The following RTTN variants were observed in gnomAD, a reference collection of about 807,000 sequenced individuals.
RTTN encodes rotatin.
A neutral mutation model predicts 269.2 loss-of-function variants in RTTN; 182 were observed. The ratio of observed to expected loss-of-function variants is 0.68; its 90% CI spans 0.60 to 0.76. The LOEUF (loss-of-function observed/expected upper bound fraction) is 0.76, where lower values mean the gene tolerates loss of function less well. Ranked by LOEUF, RTTN falls within the 30% of genes least tolerant of loss-of-function variation. The pLI, the probability that RTTN is intolerant of heterozygous loss-of-function variation, is 0.00. For synonymous variants in RTTN, 1,006 were observed against 963.5 expected, an observed-to-expected ratio of 1.04 and a Z score of -0.82; for missense variants, 2,545 against 2,608.6, an observed-to-expected ratio of 0.98 and a Z score of 0.53.
chr18:70,101,375 T>C (rs1363251477), intron 28 of RTTN, among the ~76,000 whole-genome samples: 1 of 152,214 alleles, frequency 6.6e-6, no homozygotes, highest in Non-Finnish European at 1.5e-5. Flanking sequence ...GAGGAGTTTA[T>C]AGTATTGTCT....
intron 38 of RTTN, among the ~76,000 whole-genome samples, chr18:70,053,008 T>C (rs972159265): frequency 2.6e-5 from 4 of 152,132 alleles, no homozygotes; most frequent in Non-Finnish European, 4.4e-5. Flanking sequence ...TAAAAAGCAT[T>C]CACAAGGCAG....
intron 40 of RTTN, among the ~76,000 whole-genome samples, chr18:70,047,254 A>C (rs970556750): frequency 8.5e-5 from 13 of 152,232 alleles, no homozygotes; most frequent in African/African-American, 2.7e-4. Flanking sequence ...GACAAAAATC[A>C]TAAAACCACA....
intron 25 of RTTN, among the ~76,000 whole-genome samples, chr18:70,126,996 AGTTAAGCATGTTAAATT>A (rs2059881331): frequency 6.6e-6 from 1 of 152,190 alleles, no homozygotes; most frequent in South Asian, 2.1e-4. Context: ...ATCTGCTACA[AGTTAAGCATGTTAAATT>A]GACAAGCTAG....
chr18:70,042,849 C>T (rs761351748), intron 40 of RTTN, among the ~76,000 whole-genome samples: 2 of 152,178 alleles, frequency 1.3e-5, no homozygotes, highest in Non-Finnish European at 2.9e-5. Flanking sequence ...TCCTCAGTAC[C>T]TTTTCTCTGA....
At chr18:70,152,648 CA>C in intron 14 of RTTN, among the ~76,000 whole-genome samples, 1 of 152,064 alleles carries the variant, frequency 6.6e-6, no homozygotes. Context: ...CTGCTAGATC[CA>C]AAACCTTAAA....
At chr18:70,203,271 C>G (rs8087187) in intron 3 of RTTN, among the ~76,000 whole-genome samples, 1 of 151,696 alleles carries the variant, frequency 6.6e-6, no homozygotes, top group African/African-American at 2.4e-5. Flanking sequence ...GTGATCTCAG[C>G]TCACCGTTGC....
chr18:70,006,322 T>C (rs945406944), intron 47 of RTTN, 59 bp downstream of exon 47: 5 of 1,189,584 alleles, frequency 4.2e-6, no homozygotes, highest in Admixed American at 1.7e-5. Flanking sequence ...TAAGAGTTTA[T>C]ACCTGGGTTA....
In RTTN at chr18:70,090,121, T is replaced by C. The variant is rs576083518; in HGVS notation, c.4144-1974A>G. ...TATATCAGCAAAGACATTGCCAGTT[T>C]GAACTAAAGAGGACAGAGAAAGATG... On this transcript the variant is annotated intron_variant, in intron 30 of 48. Transcript: ENST00000640769. Among the ~76,000 whole-genome samples the C allele has an allele frequency of 8.4e-4, 128 of 152,300 alleles. 2 individuals carry two copies. In the Middle Eastern group the frequency reaches 0.01, roughly 12 times the overall value.
intron 25 of RTTN, among the ~76,000 whole-genome samples, chr18:70,127,153 G>A (rs548948825): frequency 6.6e-6 from 1 of 152,274 alleles, no homozygotes; most frequent in African/African-American, 2.4e-5. Context: ...CCTGTGGCAG[G>A]TGTATCACAG....
intron 47 of RTTN, chr18:70,006,174 G>T: frequency 2.2e-6 from 1 of 459,448 alleles, no homozygotes. Context: ...CTTCTAAACT[G>T]AGACATTCTG....
chr18:70,078,113 G>A (rs916350294), intron 32 of RTTN, among the ~76,000 whole-genome samples: 4 of 151,504 alleles, frequency 2.6e-5, no homozygotes, highest in Admixed American at 2.6e-4. Flanking sequence ...ATGGAAAAAA[G>A]GTACATAATA....
chr18:70,056,323 A>C (rs1026990089), intron 37 of RTTN, among the ~76,000 whole-genome samples: 1 of 152,212 alleles, frequency 6.6e-6, no homozygotes, highest in Non-Finnish European at 1.5e-5. Flanking sequence ...ACTGACCTGC[A>C]TAGGTTGGAA....
chr18:70,140,381 G>A (rs1448469045), intron 19 of RTTN, among the ~76,000 whole-genome samples, 193 bp from the exon 20 acceptor site: 1 of 152,022 alleles, frequency 6.6e-6, no homozygotes, highest in Non-Finnish European at 1.5e-5. Flanking sequence ...AAATGTTTAA[G>A]TAAAAAGCAT....
In RTTN at chr18:70,166,193, T is replaced by C; in HGVS notation, c.1803-5A>G. The C allele has an allele frequency of 1.2e-6, 2 of 1,611,950 alleles. No homozygotes were observed. Among genetic ancestry groups the C allele is most frequent in the Non-Finnish European group, 1.7e-6 (2 of 1,178,818 alleles). ...CTGGCCTGAGCAGATTTCCAGCTGGTGAAAAGGTAAAACAACCAAGACATG... is the reference window on the plus strand; with the variant it reads ...CTGGCCTGAGCAGATTTCCAGCTGGCGAAAAGGTAAAACAACCAAGACATG... On this transcript the variant is annotated splice_polypyrimidine_tract_variant and splice_region_variant and intron_variant, in intron 13 of 48. Coordinates refer to ENST00000640769, the MANE Select transcript of RTTN (RefSeq NM_173630.4).
chr18:70,131,285 G>C (rs537248976), intron 23 of RTTN: 1 of 150,642 alleles, frequency 6.6e-6, no homozygotes, highest in African/African-American at 2.4e-5. Flanking sequence ...AAACGACCAC[G>C]GTATACAAAT....
In RTTN at chr18:70,093,259, TAAA is replaced by T. The variant is rs57211704; in HGVS notation, c.3904-458_3904-456del. 8.5e-3 allele frequency among the ~76,000 whole-genome samples: 1,263 copies of T among 147,968 alleles called. 11 individuals carry two copies. Among genetic ancestry groups the T allele is most frequent in the Middle Eastern group, 0.021 (6 of 290 alleles). On this transcript the variant is annotated intron_variant, in intron 28 of 48. Transcript: ENST00000640769. ...TCAATATTTTTCCTTTTAAAGTCTG[TAAA>T]AAAAAAAAAAAAGATGTGTGGTGCC...
At chr18:70,084,569 C>A (rs939153147) in intron 32 of RTTN, among the ~76,000 whole-genome samples, 3 of 150,654 alleles carry the variant, frequency 2.0e-5, no homozygotes, top group Non-Finnish European at 4.4e-5. Context: ...GACAGATATA[C>A]TGAGTTAACT....
chr18:70,083,197 G>A (rs1191608415), intron 32 of RTTN, among the ~76,000 whole-genome samples: 1 of 152,148 alleles, frequency 6.6e-6, no homozygotes, highest in East Asian at 1.9e-4. Flanking sequence ...AAGACAGGCC[G>A]AGATACTTCA....
intron 40 of RTTN, among the ~76,000 whole-genome samples, chr18:70,044,766 G>GT (rs1218200578): frequency 6.6e-6 from 1 of 152,104 alleles, no homozygotes; most frequent in Non-Finnish European, 1.5e-5. Flanking sequence ...GAATGGGCAC[G>GT]TATCATATGC....
Sources: gnomAD v4.1 joint callset for allele counts (sites outside exome capture counted in the v4.1 genomes callset) on GRCh38, gnomAD v4.1.1 for gene constraint, MANE v1.5 for transcripts, NCBI Gene and HGNC (gene_info 2026-07-23, HGNC 2026-07-21) for gene names.